BACH2: variants seen among roughly 807,000 people sequenced by gnomAD.
BACH2 encodes the protein BACH transcriptional regulator 2, also known as transcription regulator protein BACH2.
BACH2 carries 5 observed loss-of-function variants against 61.8 expected under a neutral mutation model. The observed-to-expected ratio is 0.08, with a 90% CI of 0.04 to 0.17. BACH2 has a LOEUF of 0.17. BACH2 is among the 10% of genes least tolerant of loss of function. The pLI is 1.00. For synonymous variants in BACH2, 446 were observed against 440.1 expected (o/e 1.01, Z -0.17); for missense variants, 824 against 1,091.1 (o/e 0.76, Z 3.45).
At chr6:89,972,711 T>A (rs1484416369) in intron 6 of BACH2, among the ~76,000 whole-genome samples, 1 of 151,640 alleles carries the variant, frequency 6.6e-6, no homozygotes, top group Non-Finnish European at 1.5e-5. Context: ...GTAGGATTTT[T>A]AAAAACAGCA....
chr6:90,036,833 A>C (rs535988517), intron 5 of BACH2, among the ~76,000 whole-genome samples: 1 of 152,280 alleles, frequency 6.6e-6, no homozygotes, highest in Admixed American at 6.5e-5. Flanking sequence ...ATAGACTATA[A>C]CCATCACCCC....
At chr6:90,125,717 C>T (rs940856746) in intron 4 of BACH2, among the ~76,000 whole-genome samples, 4 of 152,200 alleles carry the variant, frequency 2.6e-5, no homozygotes, top group African/African-American at 9.6e-5. Context: ...CTCACACCCC[C>T]AGGGTGACCT....
At chr6:90,101,349 T>C (rs1327956361) in intron 4 of BACH2, among the ~76,000 whole-genome samples, 1 of 152,226 alleles carries the variant, frequency 6.6e-6, no homozygotes, top group Non-Finnish European at 1.5e-5. Context: ...CTATATTTTC[T>C]TCTAAGAGTT....
At chr6:89,954,370 A>C (rs1262349413) in intron 6 of BACH2, among the ~76,000 whole-genome samples, 2 of 151,456 alleles carry the variant, frequency 1.3e-5, no homozygotes, top group African/African-American at 4.9e-5. Context: ...ACATATGTAC[A>C]CATGTGTCAT....
At chr6:90,033,608 A>C (rs1343397564) in intron 5 of BACH2, among the ~76,000 whole-genome samples, 3 of 152,190 alleles carry the variant, frequency 2.0e-5, no homozygotes, top group Non-Finnish European at 4.4e-5. Context: ...TGAGCAGCTT[A>C]GCAAAGAATT....
intron 4 of BACH2, among the ~76,000 whole-genome samples, chr6:90,175,709 T>C (rs1230857320): frequency 6.6e-6 from 1 of 152,176 alleles, no homozygotes; most frequent in Non-Finnish European, 1.5e-5. Flanking sequence ...ATTAGATGTT[T>C]TGACATCTTA....
chr6:90,015,435 G>A (rs1409771277), intron 5 of BACH2, among the ~76,000 whole-genome samples: 2 of 151,910 alleles, frequency 1.3e-5, no homozygotes, highest in African/African-American at 4.8e-5. Context: ...ATTTCACTCT[G>A]TTTTAGCAGT....
chr6:90,190,818 G>C (rs775668946), intron 4 of BACH2, among the ~76,000 whole-genome samples: 8 of 152,116 alleles, frequency 5.3e-5, no homozygotes, highest in Non-Finnish European at 1.2e-4. Context: ...TAAGACCCCA[G>C]ACCAACGACT....
chr6:90,019,573 CT>C (rs1778267473), intron 5 of BACH2, among the ~76,000 whole-genome samples: 1 of 151,778 alleles, frequency 6.6e-6, no homozygotes, highest in African/African-American at 2.4e-5. Context: ...AGAAATATAC[CT>C]GATTGATCAC....
chr6:90,178,807 G>A (rs1768060509), intron 4 of BACH2, among the ~76,000 whole-genome samples: 1 of 152,156 alleles, frequency 6.6e-6, no homozygotes, highest in African/African-American at 2.4e-5. Context: ...TTTTGAGAAT[G>A]GCACAGATGC....
At position 89,987,581 on chromosome 6, in the gene BACH2, T is replaced by TA. The variant is rs955107116; in HGVS notation, c.243+21020dup. ...TTGTTCTCTTTCATGCCAGAGGGTG[T>TA]AAACGGGATCATGAGTGAAATTTTA... On this transcript the variant is annotated intron_variant, in intron 6 of 8. Transcript: ENST00000257749. Among the ~76,000 whole-genome samples, 17 of 152,234 alleles carry TA rather than the reference T, an allele frequency of 1.1e-4. 1 individual carries two copies. The highest frequency in any genetic ancestry group is 3.9e-4 in the African/African-American group (16 of 41,522).
In BACH2 at chr6:90,207,285, A is replaced by G. The variant is rs1483758404; in HGVS notation, c.-274-604T>C. 2.6e-5 allele frequency among the ~76,000 whole-genome samples: 4 copies of G among 151,880 alleles called. No individual in the cohort carries two copies. The East Asian group carries it at 7.8e-4, about 29-fold the overall frequency. Reference sequence around the variant, plus strand: ...AGGCGTGCACCACTATGTCCAGCTAATTTTTGTATTTTTTGAAGAGATAGG... The same window carrying G: ...AGGCGTGCACCACTATGTCCAGCTAGTTTTTGTATTTTTTGAAGAGATAGG... On this transcript the variant is annotated intron_variant, in intron 3 of 8. Coordinates refer to ENST00000257749, the MANE Select transcript of BACH2 (RefSeq NM_021813.4).
At chr6:90,166,447 A>T (rs2127835256) in intron 4 of BACH2, among the ~76,000 whole-genome samples, 1 of 152,326 alleles carries the variant, frequency 6.6e-6, no homozygotes. Flanking sequence ...ACACTTTTAC[A>T]CTGTTCGTGG....
intron 4 of BACH2, among the ~76,000 whole-genome samples, chr6:90,163,668 T>C (rs1002895389): frequency 7.9e-5 from 12 of 152,156 alleles, no homozygotes; most frequent in African/African-American, 2.4e-4. Flanking sequence ...TCCTGTGAAA[T>C]TACAGCCAAA....
chr6:90,023,439 C>A (rs1286931937), intron 5 of BACH2, among the ~76,000 whole-genome samples: 1 of 152,188 alleles, frequency 6.6e-6, no homozygotes, highest in East Asian at 1.9e-4. Flanking sequence ...AAGACGCCTG[C>A]TCCAGCTTTG....
chr6:90,011,930 A>AAATGTGTGTGTGTGTG (rs1491345075), intron 5 of BACH2, among the ~76,000 whole-genome samples: 1 of 98,680 alleles, frequency 1.0e-5, no homozygotes, highest in Non-Finnish European at 2.3e-5. Flanking sequence ...AAAAAAAAAA[A>AAATGTGTGTGTGTGTG]TATGTGTGTG....
At chr6:89,966,087 T>C (rs1202744670) in intron 6 of BACH2, among the ~76,000 whole-genome samples, 1 of 152,212 alleles carries the variant, frequency 6.6e-6, no homozygotes, top group Non-Finnish European at 1.5e-5. Flanking sequence ...ATGGTGTTAC[T>C]GTGGCTTACA....
intron 6 of BACH2, among the ~76,000 whole-genome samples, chr6:89,977,957 CT>C (rs550909190): frequency 1.1e-4 from 16 of 152,284 alleles, no homozygotes; most frequent in South Asian, 8.3e-4. Context: ...GCTGCTGCCC[CT>C]GGGATCACAT....
chr6:90,077,760 C>A (rs1170009501), intron 5 of BACH2, among the ~76,000 whole-genome samples: 3 of 152,262 alleles, frequency 2.0e-5, no homozygotes, highest in East Asian at 3.9e-4. Context: ...CACTTCTTGT[C>A]AGGTCTCAGG....
Sources: gnomAD v4.1 joint callset for allele counts (sites outside exome capture counted in the v4.1 genomes callset) on GRCh38, gnomAD v4.1.1 for gene constraint, MANE v1.5 for transcripts, NCBI Gene and HGNC (gene_info 2026-07-23, HGNC 2026-07-21) for gene names.